ADGRG1: variants seen among roughly 807,000 people sequenced by gnomAD.
The protein encoded by ADGRG1 is 7-transmembrane protein with no EGF-like N-terminal domains-1.
Under a neutral mutation model 73.5 loss-of-function variants are expected in ADGRG1, and 53 were observed. That is an observed-to-expected ratio of 0.72 (90% CI 0.58 to 0.91). The LOEUF is 0.91. Among genes scored for constraint, ADGRG1 ranks in the 40% least tolerant of loss-of-function variants. The pLI, the probability that ADGRG1 is intolerant of heterozygous loss-of-function variation, is 0.00. For synonymous variants in ADGRG1, 394 were observed against 374.4 expected (o/e 1.05, Z -0.60); for missense variants, 795 against 871.8 (o/e 0.91, Z 1.11).
intron 7 of ADGRG1, 76 bp downstream of exon 7, chr16:57,656,068 C>A: frequency 6.2e-7 from 1 of 1,613,548 alleles, no homozygotes; most frequent in South Asian, 1.1e-5. Flanking sequence ...CCTCCAGACT[C>A]ATTTGTCTTT....
chr16:57,652,047 TG>T, intron 3 of ADGRG1: 1 of 1,071,812 alleles, frequency 9.3e-7, no homozygotes, highest in South Asian at 2.9e-5. Context: ...AGGAGGAAAC[TG>T]GGGCACAGAG....
At chr16:57,663,359 G>A (rs143616158) in intron 13 of ADGRG1, 93 bp from the exon 14 acceptor site, 18 of 1,571,728 alleles carry the variant, frequency 1.1e-5, no homozygotes, top group Admixed American at 9.3e-5. Flanking sequence ...ATGGAGAGGT[G>A]GGGCAGACCC....
chr16:57,623,914 C>A, upstream of ADGRG1: 1 of 745,206 alleles, frequency 1.3e-6, no homozygotes, highest in Non-Finnish European at 1.6e-6. Context: ...TGCCAACTTG[C>A]TGCAAAGCTT....
At chr16:57,632,294 C>G in intron 1 of ADGRG1, 1 of 985,466 alleles carries the variant, frequency 1.0e-6, no homozygotes, top group Non-Finnish European at 1.2e-6. Context: ...CCCGTAGAGA[C>G]AGCAAGGGTG....
At position 57,645,405 on chromosome 16, in the gene ADGRG1, C is replaced by T. The variant is rs937472834; in HGVS notation, c.-35-4848C>T. 7 of 842,792 alleles carry T rather than the reference C, an allele frequency of 8.3e-6. No homozygotes were observed. The East Asian group carries it at 7.4e-4, about 89-fold the overall frequency. The allele number at this position is 842,792 out of a possible 1,614,324, so 52.2% of individuals were successfully genotyped here. ...CCCCAACCTGATGCCTGCCCTTCTC[C>T]TGATGTCTTTCAGGAAGCCCCTTCC... On this transcript the variant is annotated intron_variant, in intron 1 of 13. Coordinates refer to ENST00000562631, the MANE Select transcript of ADGRG1 (RefSeq NM_201525.4).
chr16:57,636,934 G>A (rs1425584422), intron 1 of ADGRG1, among the ~76,000 whole-genome samples: 1 of 152,172 alleles, frequency 6.6e-6, no homozygotes, highest in Non-Finnish European at 1.5e-5. Flanking sequence ...ATTTTAATTG[G>A]GTGGTCATGG....
At chr16:57,635,880 C>T (rs1597180884) in intron 1 of ADGRG1, 2 of 985,222 alleles carry the variant, frequency 2.0e-6, no homozygotes. Context: ...AATGATAGTA[C>T]CTCCTCATAG....
chr16:57,650,036 C>T, intron 1 of ADGRG1: 1 of 609,566 alleles, frequency 1.6e-6, no homozygotes, highest in Non-Finnish European at 2.1e-6. Flanking sequence ...TCTCAGCCTC[C>T]CAAAGCGCTG....
chr16:57,632,040 C>G, intron 1 of ADGRG1: 1 of 985,504 alleles, frequency 1.0e-6, no homozygotes, highest in Non-Finnish European at 1.2e-6. Context: ...AATCCTGGAC[C>G]TTCCCTGACC....
chr16:57,644,208 G>A, intron 1 of ADGRG1: 1 of 984,378 alleles, frequency 1.0e-6, no homozygotes, highest in Non-Finnish European at 1.2e-6. Flanking sequence ...CCCTGTGTAT[G>A]CACGGGCACA....
rs1391821275 is a variant in ADGRG1, at chr16:57,645,036, C to T, written c.-35-5217C>T. 5.1e-6 allele frequency: 5 copies of T among 976,128 alleles called. No individual in the cohort carries two copies. The South Asian group carries it at 1.9e-4, about 37-fold the overall frequency. 60.5% of individuals were successfully genotyped at this position (976,128 alleles called of 1,614,324 possible). On this transcript the variant is annotated intron_variant, in intron 1 of 13. Transcript: ENST00000562631. ...TGGGCGCACACACTCATCACACACT[C>T]ATGCACATACACACACTCATGCACA...
intron 1 of ADGRG1, chr16:57,629,950 G>A (rs1567673398): frequency 3.1e-6 from 3 of 967,514 alleles, no homozygotes; most frequent in East Asian, 2.3e-4. Flanking sequence ...ATGGGTCAAG[G>A]CAGGGGCCTC....
intron 1 of ADGRG1, chr16:57,642,079 G>A (rs145072803): frequency 2.3e-5 from 23 of 985,280 alleles, no homozygotes; most frequent in Middle Eastern, 5.2e-4. Flanking sequence ...AAGAGACTTT[G>A]ATTCTCATCT....
At chr16:57,627,059 G>A, upstream of ADGRG1, 1 of 984,386 alleles carries the variant, frequency 1.0e-6, no homozygotes, top group Non-Finnish European at 1.2e-6. Context: ...GACTGTGAAT[G>A]TGGGAAGCAC....
chr16:57,644,509 TG>T (rs1258559841), intron 1 of ADGRG1, among the ~76,000 whole-genome samples: 1 of 135,874 alleles, frequency 7.4e-6, no homozygotes, highest in Non-Finnish European at 1.5e-5. Context: ...CACTCATGCA[TG>T]GGCACACACA....
intron 2 of ADGRG1, 113 bp from the exon 3 acceptor site, chr16:57,651,087 G>A (rs2043963330): frequency 6.3e-7 from 1 of 1,598,064 alleles, no homozygotes; most frequent in Admixed American, 1.7e-5. Flanking sequence ...CCCTTGGAAT[G>A]TGTGTGAATC....
At chr16:57,630,221 G>A (rs909251642) in intron 1 of ADGRG1, 1 of 433,176 alleles carries the variant, frequency 2.3e-6, no homozygotes, top group Non-Finnish European at 3.1e-6. Flanking sequence ...GGCTCCTTGG[G>A]GTCAGAGACT....
chr16:57,663,420 A>C (rs771326310), intron 13 of ADGRG1, 32 bp from the exon 14 acceptor site: 1 of 1,612,472 alleles, frequency 6.2e-7, no homozygotes, highest in African/African-American at 1.3e-5. Context: ...GGGCTCCCCC[A>C]CCTGCTGACC....
chr16:57,645,673 T>A (rs767897004), intron 1 of ADGRG1, among the ~76,000 whole-genome samples: 4 of 152,178 alleles, frequency 2.6e-5, no homozygotes, highest in Non-Finnish European at 4.4e-5. Context: ...ATCAACGGGA[T>A]GCTTGTTAAA....
Sources: gnomAD v4.1 joint callset for allele counts (sites outside exome capture counted in the v4.1 genomes callset) on GRCh38, gnomAD v4.1.1 for gene constraint, MANE v1.5 for transcripts, NCBI Gene and HGNC (gene_info 2026-07-23, HGNC 2026-07-21) for gene names.